The following PDCD6IP variants were observed in gnomAD, a reference collection of about 807,000 sequenced individuals.
PDCD6IP encodes programmed cell death 6 interacting protein, also known as programmed cell death 6-interacting protein.
PDCD6IP carries 43 observed loss-of-function variants against 103.7 expected under a neutral mutation model. The observed-to-expected ratio is 0.41, with a 90% CI of 0.32 to 0.53. PDCD6IP has a LOEUF of 0.53. PDCD6IP is among the 20% of genes least tolerant of loss of function. PDCD6IP has a pLI of 0.16. For missense variants in PDCD6IP, 871 were observed against 1,036.7 expected (o/e 0.84, Z 2.20); for synonymous variants, 354 against 378.7 (o/e 0.93, Z 0.76).
chr3:33,817,132 A>G (rs1696871116), intron 3 of PDCD6IP, among the ~76,000 whole-genome samples: 1 of 152,238 alleles, frequency 6.6e-6, no homozygotes, highest in Admixed American at 6.5e-5. Flanking sequence ...AATATTGAAT[A>G]AAAGGCCTGC....
intron 9 of PDCD6IP, 116 bp from the exon 10 acceptor site, chr3:33,841,781 G>C (rs183753874): frequency 2.7e-6 from 2 of 728,830 alleles, no homozygotes; most frequent in South Asian, 4.4e-5. Context: ...GTTTTTCTGG[G>C]TGCTAACTCC....
intron 6 of PDCD6IP, chr3:33,827,198 A>G: frequency 1.0e-6 from 1 of 980,986 alleles, no homozygotes; most frequent in South Asian, 4.7e-5. Flanking sequence ...AGTGATGATC[A>G]TTTGTTAATG....
chr3:33,826,225 A>C (rs755270840), intron 5 of PDCD6IP, among the ~76,000 whole-genome samples: 1 of 152,118 alleles, frequency 6.6e-6, no homozygotes, highest in Non-Finnish European at 1.5e-5. Flanking sequence ...GATTACCACT[A>C]TCTTATTTTA....
intron 12 of PDCD6IP, among the ~76,000 whole-genome samples, chr3:33,848,246 A>C (rs1697636962): frequency 6.6e-6 from 1 of 152,216 alleles, no homozygotes; most frequent in Non-Finnish European, 1.5e-5. Flanking sequence ...TCCCTAACAT[A>C]AAGAGACAAA....
At chr3:33,822,428 A>G (rs1032859344) in intron 4 of PDCD6IP, among the ~76,000 whole-genome samples, 2 of 152,200 alleles carry the variant, frequency 1.3e-5, no homozygotes, top group African/African-American at 4.8e-5. Flanking sequence ...AAAAATTTGT[A>G]CATTATTTTC....
chr3:33,828,909 C>A lies in PDCD6IP; in HGVS notation c.774C>A (p.Tyr258Ter). 6.2e-7 allele frequency: 1 copy of A among 1,611,586 alleles called. No homozygotes were observed. Among genetic ancestry groups the A allele is most frequent in the Non-Finnish European group, 8.5e-7 (1 of 1,178,408 alleles). ...KHCIMQANAE[Y>*]HQSILAKQQK... ...GTATCATGCAGGCCAATGCTGAGTACCATCAGTCTATCCTGGCAAAACAGC... is the reference window on the plus strand; with the variant it reads ...GTATCATGCAGGCCAATGCTGAGTAACATCAGTCTATCCTGGCAAAACAGC... The change falls in exon 7 of 18, where the codon TAC becomes TAA. Residue 258 changes from tyrosine (Y) to a stop codon, truncating the protein, a stop_gained. Transcript: ENST00000307296. LOFTEE classifies it high-confidence loss of function.
At chr3:33,811,180 T>C (rs1696710044) in intron 1 of PDCD6IP, 1 of 284,452 alleles carries the variant, frequency 3.5e-6, no homozygotes, top group Non-Finnish European at 7.3e-6. Flanking sequence ...CTGCTGTGCC[T>C]GGCCCTTTCA....
intron 16 of PDCD6IP, 67 bp downstream of exon 16, chr3:33,864,196 T>C: frequency 1.0e-6 from 1 of 961,524 alleles, no homozygotes; most frequent in South Asian, 1.4e-5. Context: ...TTCTAACGGA[T>C]AAAACATGAT....
chr3:33,816,813 G>T (rs906459516), intron 3 of PDCD6IP, among the ~76,000 whole-genome samples: 1 of 152,170 alleles, frequency 6.6e-6, no homozygotes, highest in African/African-American at 2.4e-5. Context: ...TGCAGAAAAG[G>T]ATTTTTAGTA....
chr3:33,820,505 T>TC (rs1189372768), intron 3 of PDCD6IP, among the ~76,000 whole-genome samples: 3 of 152,194 alleles, frequency 2.0e-5, no homozygotes, highest in Admixed American at 6.5e-5. Context: ...AAAATACATC[T>TC]CCAGAACTTT....
At chr3:33,806,331 A>C (rs1696597334) in intron 1 of PDCD6IP, among the ~76,000 whole-genome samples, 1 of 152,120 alleles carries the variant, frequency 6.6e-6, no homozygotes. Context: ...TCACGCTTAA[A>C]GGAGGTATTA....
chr3:33,803,421 A>G (rs1696519518), intron 1 of PDCD6IP, among the ~76,000 whole-genome samples: 1 of 151,950 alleles, frequency 6.6e-6, no homozygotes. Flanking sequence ...TTTACTGGCC[A>G]CTTTGTTTCT....
chr3:33,821,204 C>T (rs34699102), intron 3 of PDCD6IP, among the ~76,000 whole-genome samples: 39,368 of 150,146 alleles, frequency 0.26, 5,435 homozygotes, highest in East Asian at 0.39. Flanking sequence ...GAGATGGGGT[C>T]TTGCTGTGTT....
At chr3:33,840,450 A>G (rs4432586) in intron 9 of PDCD6IP, among the ~76,000 whole-genome samples, 3 of 152,154 alleles carry the variant, frequency 2.0e-5, no homozygotes, top group African/African-American at 4.8e-5. Context: ...GGCCAACTGT[A>G]TTTCTCTTGT....
chr3:33,859,022 C>G (rs925243272), intron 15 of PDCD6IP, among the ~76,000 whole-genome samples: 4 of 152,056 alleles, frequency 2.6e-5, no homozygotes, highest in African/African-American at 9.7e-5. Context: ...AATACTAGTT[C>G]TACCAGATAT....
chr3:33,811,126 C>T (rs544307653), intron 1 of PDCD6IP: 2 of 426,218 alleles, frequency 4.7e-6, no homozygotes, highest in South Asian at 3.4e-5. Context: ...CTCAAGTGAT[C>T]CACCTGCCTC....
intron 3 of PDCD6IP, among the ~76,000 whole-genome samples, chr3:33,819,929 T>G (rs2125552373): frequency 6.6e-6 from 1 of 152,350 alleles, no homozygotes; most frequent in East Asian, 1.9e-4. Context: ...TTTACATTAT[T>G]GTGCAAACAT....
In PDCD6IP at chr3:33,843,063, T is replaced by C. The variant is rs4564913; in HGVS notation, c.1359+989T>C. Among the ~76,000 whole-genome samples, 119 of 152,352 alleles carry C rather than the reference T, an allele frequency of 7.8e-4. 2 individuals are homozygous for C. Among genetic ancestry groups the C allele is most frequent in the African/African-American group, 2.4e-3 (100 of 41,580 alleles). On this transcript the variant is annotated intron_variant, in intron 10 of 17. Coordinates refer to ENST00000307296, the MANE Select transcript of PDCD6IP (RefSeq NM_013374.6). ...ATAATCTTTTAATTATAGTAGTAAT[T>C]TATCTTAAGACTTTGTGTCACACAG... is the stretch of plus-strand genomic sequence containing the variant.
intron 8 of PDCD6IP, 53 bp downstream of exon 8, chr3:33,836,319 G>C (rs1327320038): frequency 3.0e-6 from 3 of 995,724 alleles, no homozygotes; most frequent in Non-Finnish European, 3.1e-6. Flanking sequence ...AGTTTACTCT[G>C]TTTTTCCTAG....
Sources: allele counts gnomAD v4.1 joint callset (sites outside exome capture counted in the v4.1 genomes callset), GRCh38; gene constraint gnomAD v4.1.1; transcripts MANE v1.5; gene names NCBI Gene and HGNC (gene_info 2026-07-23, HGNC 2026-07-21).